The following FBH1 variants were observed in gnomAD, a reference collection of about 807,000 sequenced individuals.
FBH1 encodes the protein DNA 3'-5' helicase 1.
Under a neutral mutation model 115.5 loss-of-function variants are expected in FBH1, and 43 were observed. The ratio of observed to expected loss-of-function variants is 0.37; its 90% CI spans 0.29 to 0.48. The LOEUF (loss-of-function observed/expected upper bound fraction) is 0.48. Ranked by LOEUF, FBH1 falls within the 20% of genes least tolerant of loss-of-function variation. The pLI, the probability that FBH1 is intolerant of heterozygous loss-of-function variation, is 0.99. For missense variants in FBH1, 1,001 were observed against 1,337.3 expected, an observed-to-expected ratio of 0.75 and a Z score of 3.92; for synonymous variants, 524 against 507.8, an observed-to-expected ratio of 1.03 and a Z score of -0.43.
Position 5,924,381 on chromosome 10 carries a change from G to C in FBH1, c.2469G>C (p.Arg823Ser). The C allele has an allele frequency of 6.2e-7, 1 of 1,614,206 alleles. No homozygotes were observed. The change falls in exon 17 of 21, where the codon AGG becomes AGC. Residue 823 changes from arginine to serine, a missense_variant. Arg to Ser is a moderately radical substitution (Grantham distance 110). Coordinates refer to ENST00000362091, the MANE Select transcript of FBH1 (RefSeq NM_178150.3). This position sits in a 1 kb window ranked among gnomAD's most constrained non-coding sequence, Gnocchi z 6.2. ...VHKEGFSGFK[R>S]YVTAAEDKEL... ...AAGAAGGCTTTAGTGGCTTCAAGAG[G>C]TATGTGACCGCTGCCGAGGACAAGG...
At position 5,931,102 on chromosome 10, in the gene FBH1, C is replaced by T. The variant is rs1333429757; in HGVS notation, c.2829+3561C>T. Among the ~76,000 whole-genome samples, 1 of 151,774 alleles carries T rather than the reference C, an allele frequency of 6.6e-6. No homozygotes were observed. Among genetic ancestry groups the T allele is most frequent in the East Asian group, 1.9e-4 (1 of 5,200 alleles). On this transcript the variant is annotated intron_variant, in intron 19 of 20. Coordinates refer to ENST00000362091, the MANE Select transcript of FBH1 (RefSeq NM_178150.3). The surrounding 1 kb of genome is among the most constrained non-coding windows in gnomAD (Gnocchi z 4.3). ...AATATAACACAAGTATATAAAACAG[C>T]ATATAGCAGTTTAAAATGATGATGT...
In FBH1 at chr10:5,906,661, T is replaced by G; in HGVS notation, c.753+29T>G. On this transcript the variant is annotated intron_variant, in intron 3 of 20. Coordinates refer to ENST00000362091, the MANE Select transcript of FBH1 (RefSeq NM_178150.3). This position sits in a 1 kb window ranked among gnomAD's most constrained non-coding sequence, Gnocchi z 7.3. ...AGTGAGTGCTGGAGTCGGGAGATGT[T>G]TCCTCTAAAAGCACGTAACTTTGCT... 2 of 1,553,864 alleles carry G rather than the reference T, an allele frequency of 1.3e-6. No individual in the cohort carries two copies. Among genetic ancestry groups the G allele is most frequent in the Non-Finnish European group, 1.7e-6 (2 of 1,144,144 alleles).
rs1434481241 is a variant in FBH1, at chr10:5,914,981, G to A, written c.1397-422G>A. On this transcript the variant is annotated intron_variant, in intron 8 of 20. Transcript: ENST00000362091. The surrounding 1 kb of genome is among the most constrained non-coding windows in gnomAD (Gnocchi z 5.2). ...AGCACAGAGAGCCTTGCCCGGGGTT[G>A]AATAAGTGGATAGGTGGTGGAGGTG... 6.6e-6 allele frequency among the ~76,000 whole-genome samples: 1 copy of A among 152,154 alleles called. No homozygotes were observed. The highest frequency in any genetic ancestry group is 2.4e-5 in the African/African-American group (1 of 41,430).
Position 5,936,628 on chromosome 10 carries a change from T to A in FBH1, c.2961+41T>A, listed in dbSNP as rs367767382. On this transcript the variant is annotated intron_variant, in intron 20 of 20. Transcript: ENST00000362091. This position sits in a 1 kb window ranked among gnomAD's most constrained non-coding sequence, Gnocchi z 5.6. The stretch of plus-strand genomic sequence containing the variant: ...GTGGAACTTAATTCAGCCATTTGCA[T>A]TTTTTGCTTGTGAGCTCTGTGCTTA... The A allele has an allele frequency of 3.1e-4, 500 of 1,606,618 alleles. No individual in the cohort carries two copies. Among genetic ancestry groups the A allele is most frequent in the Non-Finnish European group, 3.9e-4 (461 of 1,174,368 alleles).
rs1832622623 is a variant in FBH1, at chr10:5,925,971, A to G, written c.2722+479A>G. 6.6e-6 allele frequency among the ~76,000 whole-genome samples: 1 copy of G among 152,120 alleles called. No homozygotes were observed. Among genetic ancestry groups the G allele is most frequent in the Non-Finnish European group, 1.5e-5 (1 of 68,032 alleles). On this transcript the variant is annotated intron_variant, in intron 18 of 20. Coordinates refer to ENST00000362091, the MANE Select transcript of FBH1 (RefSeq NM_178150.3). This position sits in a 1 kb window ranked among gnomAD's most constrained non-coding sequence, Gnocchi z 4.6. ...TTTTGGTACAGACAGGGGTCTCACT[A>G]TGTTGCTCAGGCTGGTCTCAAAGTC...
intron 19 of FBH1, among the ~76,000 whole-genome samples, chr10:5,929,073 C>A (rs1295832867): frequency 2.0e-5 from 3 of 152,132 alleles, no homozygotes; most frequent in Non-Finnish European, 2.9e-5. Context: ...TGCAGTAGAA[C>A]CCTGATGCTC....
intron 3 of FBH1, among the ~76,000 whole-genome samples, 177 bp from the exon 4 acceptor site, chr10:5,908,748 A>C (rs2131943797): frequency 6.6e-6 from 1 of 152,228 alleles, no homozygotes; most frequent in African/African-American, 2.4e-5. Context: ...CTGGGACTAC[A>C]GGCATGTGCC....
intron 2 of FBH1, 39 bp downstream of exon 2, chr10:5,903,214 A>AGT (rs139429359): frequency 0.011 from 16,523 of 1,529,256 alleles, 126 homozygotes; most frequent in Non-Finnish European, 0.014. Flanking sequence ...CAAAACCTGT[A>AGT]GTGTGTGGGT....
intron 1 of FBH1, among the ~76,000 whole-genome samples, chr10:5,890,653 C>T (rs1214711232): frequency 2.0e-5 from 3 of 152,098 alleles, no homozygotes; most frequent in Non-Finnish European, 4.4e-5. Context: ...GCTGAAGGGG[C>T]AAGCGCGGGG....
At chr10:5,919,549 G>C (rs1170941058) in intron 13 of FBH1, among the ~76,000 whole-genome samples, 3 of 152,148 alleles carry the variant, frequency 2.0e-5, no homozygotes, top group Admixed American at 6.5e-5. Flanking sequence ...GGTAAATATA[G>C]ATAGATAGAG....
chr10:5,896,740 GAC>G (rs1445113309), intron 1 of FBH1, among the ~76,000 whole-genome samples: 1 of 152,060 alleles, frequency 6.6e-6, no homozygotes, highest in Non-Finnish European at 1.5e-5. Flanking sequence ...CCCTAGTTTA[GAC>G]ACAGCTTCCC....
chr10:5,925,826 T>C lies in FBH1; in HGVS notation c.2722+334T>C, dbSNP rs1254704617. 2.0e-5 allele frequency among the ~76,000 whole-genome samples: 3 copies of C among 152,222 alleles called. No homozygotes were observed. Among genetic ancestry groups the C allele is most frequent in the Non-Finnish European group, 4.4e-5 (3 of 68,042 alleles). ...CCAGCCTCATGAAAGCTTTAAAATA[T>C]AGTTTACTTGCTTACCATGGCATTT... On this transcript the variant is annotated intron_variant, in intron 18 of 20. Coordinates refer to ENST00000362091, the MANE Select transcript of FBH1 (RefSeq NM_178150.3). This position sits in a 1 kb window ranked among gnomAD's most constrained non-coding sequence, Gnocchi z 4.6.
In FBH1 at chr10:5,924,843, G is replaced by C; in HGVS notation, c.2596+335G>C. ...GACCTCCCAAAGTGCTAGAATTACA[G>C]GCGTGAGCCACTGCGCCCAGCCTCT... On this transcript the variant is annotated intron_variant, in intron 17 of 20. Transcript: ENST00000362091. The surrounding 1 kb of genome is among the most constrained non-coding windows in gnomAD (Gnocchi z 6.2). 2 of 433,838 alleles carry C rather than the reference G, an allele frequency of 4.6e-6. No homozygotes were observed. The highest frequency in any genetic ancestry group is 1.8e-5 in the South Asian group (1 of 57,060). The allele number at this position is 433,838 out of a possible 1,614,324, so 26.9% of individuals were successfully genotyped here.
At chr10:5,937,068 T>G in intron 20 of FBH1, 42 bp from the exon 21 acceptor site, 1 of 1,533,052 alleles carries the variant, frequency 6.5e-7, no homozygotes, top group Non-Finnish European at 8.8e-7. Context: ...TCCATGTTCT[T>G]TGGTTGTTCC....
At chr10:5,930,594 A>G (rs1338256113) in intron 19 of FBH1, among the ~76,000 whole-genome samples, 1 of 152,158 alleles carries the variant, frequency 6.6e-6, no homozygotes, top group Non-Finnish European at 1.5e-5. Context: ...TCGTCACATG[A>G]GGAGGCTCAC....
intron 3 of FBH1, among the ~76,000 whole-genome samples, chr10:5,908,229 T>C (rs1432648137): frequency 6.6e-6 from 1 of 152,230 alleles, no homozygotes; most frequent in Non-Finnish European, 1.5e-5. Context: ...TATTATATCT[T>C]CTTGGTGAAT....
chr10:5,900,146 C>T lies in FBH1; in HGVS notation c.2-2874C>T, dbSNP rs998452003. ...GGCTGCTAATACACTTCCTGCTTTG[C>T]CATTAGGTGGCATCTTTATAATTTG... On this transcript the variant is annotated intron_variant, in intron 1 of 20. Coordinates refer to ENST00000362091, the MANE Select transcript of FBH1 (RefSeq NM_178150.3). This position sits in a 1 kb window ranked among gnomAD's most constrained non-coding sequence, Gnocchi z 4.2. Among the ~76,000 whole-genome samples, 4 of 152,200 alleles carry T rather than the reference C, an allele frequency of 2.6e-5. No individual in the cohort carries two copies. The highest frequency in any genetic ancestry group is 9.6e-5 in the African/African-American group (4 of 41,452).
chr10:5,926,993 A>G (rs1832693358), intron 18 of FBH1, among the ~76,000 whole-genome samples: 1 of 152,208 alleles, frequency 6.6e-6, no homozygotes, highest in Admixed American at 6.5e-5. Context: ...GTCCAGAGAC[A>G]GTGTAAGGAA....
chr10:5,894,523 C>T (rs372836709), intron 1 of FBH1: 3 of 870,672 alleles, frequency 3.4e-6, no homozygotes, highest in African/African-American at 1.6e-5. Context: ...CAAGTCCTCT[C>T]TGAGCCCCAG....
Sources: gnomAD v4.1 joint callset for allele counts (sites outside exome capture counted in the v4.1 genomes callset) on GRCh38, gnomAD v4.1.1 for gene constraint, Gnocchi (gnomAD v3.1) non-coding constraint, MANE v1.5 for transcripts, NCBI Gene and HGNC (gene_info 2026-07-23, HGNC 2026-07-21) for gene names.